Variants in MIA2 observed in about 807,000 individuals in gnomAD.
MIA2 encodes melanoma inhibitory activity protein 2.
A neutral mutation model predicts 167.8 loss-of-function variants in MIA2; 127 were observed. That is an observed-to-expected ratio of 0.76 (90% CI 0.66 to 0.88). The LOEUF (loss-of-function observed/expected upper bound fraction) is 0.88, where lower values mean the gene tolerates loss of function less well. MIA2 is among the 40% of genes least tolerant of loss of function. MIA2 has a pLI of 0.00. For synonymous variants in MIA2, 552 were observed against 541.9 expected (o/e 1.02, Z -0.26); for missense variants, 1,690 against 1,624.7 (o/e 1.04, Z -0.69).
Position 39,346,028 on chromosome 14 carries a change from T to G in MIA2, c.3778+2T>G. On this transcript the variant is annotated splice_donor_variant, in intron 26 of 28. Coordinates refer to ENST00000640607, the MANE Select transcript of MIA2 (RefSeq NM_001329214.4). LOFTEE classifies it high-confidence loss of function. ...ATATGCCTTCTTTGGATAAAATGGG[T>G]AAGAAGTACTTTGTGCTTTTCTTCT... is the stretch of plus-strand genomic sequence containing the variant. The G allele has an allele frequency of 6.2e-7, 1 of 1,610,750 alleles. No homozygotes were observed.
intron 23 of MIA2, among the ~76,000 whole-genome samples, chr14:39,376,915 T>C (rs1233068641): frequency 1.3e-5 from 2 of 152,234 alleles, no homozygotes; most frequent in African/African-American, 4.8e-5. Flanking sequence ...ATTTGACCTT[T>C]ATCTGTAGCT....
intron 3 of MIA2, among the ~76,000 whole-genome samples, chr14:39,241,211 T>C (rs796994916): frequency 9.2e-5 from 14 of 152,312 alleles, no homozygotes; most frequent in African/African-American, 3.1e-4. Flanking sequence ...AATGTTGGGC[T>C]TCAAGGGAAT....
chr14:39,241,112 T>C (rs572925923), intron 3 of MIA2, among the ~76,000 whole-genome samples: 8 of 152,362 alleles, frequency 5.3e-5, no homozygotes, highest in Admixed American at 2.0e-4. Context: ...GCTATTGTCT[T>C]ACTAAGATAA....
chr14:39,280,676 G>T (rs971136507), intron 9 of MIA2, among the ~76,000 whole-genome samples: 2 of 152,086 alleles, frequency 1.3e-5, no homozygotes, highest in African/African-American at 4.8e-5. Context: ...AGCTTGCAGT[G>T]AGCCGAGATT....
chr14:39,248,836 C>T (rs2054427814), intron 4 of MIA2, among the ~76,000 whole-genome samples: 1 of 151,992 alleles, frequency 6.6e-6, no homozygotes, highest in Non-Finnish European at 1.5e-5. Flanking sequence ...ACCTCCTGGG[C>T]TCATGCAATT....
intron 6 of MIA2, chr14:39,266,224 G>A (rs1296729298): frequency 1.0e-6 from 1 of 985,286 alleles, no homozygotes; most frequent in Non-Finnish European, 1.2e-6. Flanking sequence ...TGAGAAGGCA[G>A]AATATAATGA....
intron 6 of MIA2, among the ~76,000 whole-genome samples, chr14:39,268,124 C>T (rs2056348919): frequency 1.3e-5 from 2 of 151,912 alleles, no homozygotes; most frequent in South Asian, 4.1e-4. Flanking sequence ...TTTTTCAGGT[C>T]TAGTTTATAA....
At chr14:39,276,874 T>C in intron 6 of MIA2, 60 bp from the exon 7 acceptor site, 2 of 1,580,682 alleles carry the variant, frequency 1.3e-6, no homozygotes, top group Non-Finnish European at 8.6e-7. Flanking sequence ...TACCTATGTT[T>C]GTAATCAATA....
chr14:39,332,058 C>T (rs1279142127), intron 25 of MIA2, among the ~76,000 whole-genome samples: 3 of 152,162 alleles, frequency 2.0e-5, no homozygotes, highest in African/African-American at 7.2e-5. Flanking sequence ...TCCATTCTCC[C>T]GATCACTTTC....
Position 39,270,508 on chromosome 14 carries a change from T to G in MIA2, c.1888-6426T>G, listed in dbSNP as rs529844941. Among the ~76,000 whole-genome samples the G allele has an allele frequency of 1.4e-4, 21 of 151,904 alleles. No homozygotes were observed. In the South Asian group the frequency reaches 4.4e-3, roughly 32 times the overall value. ...GTCCCCCCACCCGGCTTTACTCTGT[T>G]TTTTGTTGTTGTTGTTGTTTGTTTG... On this transcript the variant is annotated intron_variant, in intron 6 of 28. Transcript: ENST00000640607.
chr14:39,279,452 G>A lies in MIA2; in HGVS notation c.2045G>A (p.Arg682Gln), dbSNP rs750762725. The A allele has an allele frequency of 3.7e-6, 6 of 1,604,474 alleles. No individual in the cohort carries two copies. Among genetic ancestry groups the A allele is most frequent in the East Asian group, 2.2e-5 (1 of 44,766 alleles). The change falls in exon 9 of 29, where the codon CGA (arginine) becomes CAA (glutamine). Residue 682 changes from arginine to glutamine, a missense_variant. Physicochemically the swap from Arg to Gln is conservative, Grantham distance 43. Coordinates refer to ENST00000640607, the MANE Select transcript of MIA2 (RefSeq NM_001329214.4). ...RSVRSRLYVG[R>Q]EKKLALMLSG... The stretch of plus-strand genomic sequence containing the variant: ...AATATTGACTTGACTTTTTTAGGAC[G>A]AGAGAAAAAGCTTGCTCTAATGCTT...
intron 10 of MIA2, chr14:39,292,746 C>T (rs2060901676): frequency 1.4e-5 from 3 of 213,452 alleles, no homozygotes; most frequent in Non-Finnish European, 1.9e-5. Flanking sequence ...TTGGAATAAT[C>T]CAATAACTAA....
chr14:39,288,432 CATATATAT>C lies in MIA2; in HGVS notation c.2131-2550_2131-2543del, dbSNP rs759995143. 3.5e-3 allele frequency among the ~76,000 whole-genome samples: 183 copies of C among 52,796 alleles called. 2 individuals carry two copies. The highest frequency in any genetic ancestry group is 7.0e-3 in the African/African-American group (88 of 12,552). The allele number at this position is 52,796 out of a possible 152,430, so 34.6% of individuals were successfully genotyped here. On this transcript the variant is annotated intron_variant, in intron 9 of 28. Coordinates refer to ENST00000640607, the MANE Select transcript of MIA2 (RefSeq NM_001329214.4). ...TTGATTTGAGCGTGTATATATTATA[CATATATAT>C]ATATATATATATATATATATATATA...
rs1242015766 is a variant in MIA2 at position 39,253,062 on chromosome 14, A to T, written c.1787-9A>T. On this transcript the variant is annotated splice_polypyrimidine_tract_variant and intron_variant, in intron 5 of 28. Coordinates refer to ENST00000640607, the MANE Select transcript of MIA2 (RefSeq NM_001329214.4). ...TCATGCTAACATATTTTTATTTATA[A>T]ATCAACAGAAGATGCTTCTGAGTTT... The T allele has an allele frequency of 6.3e-7, 1 of 1,578,956 alleles. No homozygotes were observed. Among genetic ancestry groups the T allele is most frequent in the Non-Finnish European group, 8.6e-7 (1 of 1,162,222 alleles).
chr14:39,303,625 A>G lies in MIA2; in HGVS notation c.2787+101A>G, dbSNP rs895149520. On this transcript the variant is annotated intron_variant, in intron 16 of 28. Transcript: ENST00000640607. Reference sequence around the variant, plus strand: ...TTAAAAAGTCCATTTTATTGTTCCCATATAAATATATTTACAAATTATCAG... The same window carrying G: ...TTAAAAAGTCCATTTTATTGTTCCCGTATAAATATATTTACAAATTATCAG... 7.0e-6 allele frequency: 5 copies of G among 711,564 alleles called. No homozygotes were observed. The South Asian group carries it at 1.0e-4, about 15-fold the overall frequency. 44.1% of individuals were successfully genotyped at this position (711,564 alleles called of 1,614,324 possible).
chr14:39,274,810 T>C (rs28464771), intron 6 of MIA2, among the ~76,000 whole-genome samples: 82,048 of 149,672 alleles, frequency 0.55, 24,244 homozygotes, highest in South Asian at 0.67. Flanking sequence ...TAAAGTTTTT[T>C]TTTTTTGTAA....
At chr14:39,334,563 G>T (rs553572116) in intron 25 of MIA2, among the ~76,000 whole-genome samples, 5 of 61,518 alleles carry the variant, frequency 8.1e-5, no homozygotes, top group African/African-American at 3.4e-4. Flanking sequence ...ATGAATGAGG[G>T]GACTTAGGCT....
intron 18 of MIA2, among the ~76,000 whole-genome samples, chr14:39,312,805 CTATTAT>C (rs892960100): frequency 1.3e-5 from 2 of 151,742 alleles, no homozygotes; most frequent in Admixed American, 1.3e-4. Flanking sequence ...AATAAGTTAT[CTATTAT>C]TATTATTAAT....
intron 25 of MIA2, among the ~76,000 whole-genome samples, chr14:39,335,014 A>G (rs1023767491): frequency 1.3e-5 from 2 of 151,818 alleles, no homozygotes; most frequent in Non-Finnish European, 2.9e-5. Context: ...CTTTGGGAGG[A>G]TGAGGTAGGA....
Sources: gnomAD v4.1 joint callset for allele counts (sites outside exome capture counted in the v4.1 genomes callset) on GRCh38, gnomAD v4.1.1 for gene constraint, MANE v1.5 for transcripts, NCBI Gene and HGNC (gene_info 2026-07-23, HGNC 2026-07-21) for gene names.